The following ADCY8 variants were observed in gnomAD, a reference collection of about 807,000 sequenced individuals.
ADCY8 encodes the protein adenylate cyclase 8.
Under a neutral mutation model 119.7 loss-of-function variants are expected in ADCY8, and 51 were observed. That is an observed-to-expected ratio of 0.43 (90% CI 0.34 to 0.54). ADCY8 has a LOEUF of 0.54. Ranked by LOEUF, ADCY8 falls within the 20% of genes least tolerant of loss-of-function variation. The pLI, the probability that ADCY8 is intolerant of heterozygous loss-of-function variation, is 0.03. For missense variants in ADCY8, 1,383 were observed against 1,598.8 expected, an observed-to-expected ratio of 0.87 and a Z score of 2.30; for synonymous variants, 665 against 651.0, an observed-to-expected ratio of 1.02 and a Z score of -0.33.
At chr8:130,969,086 C>G (rs1372965046) in intron 2 of ADCY8, among the ~76,000 whole-genome samples, 2 of 152,106 alleles carry the variant, frequency 1.3e-5, no homozygotes, top group Non-Finnish European at 2.9e-5. Context: ...CCATGGTGCA[C>G]AGATATTAGA....
chr8:130,813,444 T>C (rs189499723), intron 14 of ADCY8, among the ~76,000 whole-genome samples: 16 of 152,360 alleles, frequency 1.1e-4, no homozygotes, highest in African/African-American at 3.4e-4. Flanking sequence ...CTCTATGAAT[T>C]TGACCACTCT....
At chr8:130,846,217 G>T (rs1474959902) in intron 11 of ADCY8, among the ~76,000 whole-genome samples, 1 of 152,018 alleles carries the variant, frequency 6.6e-6, no homozygotes, top group East Asian at 1.9e-4. Context: ...CTAGGTATGG[G>T]GTTGGCTGGG....
chr8:130,780,577 T>A lies in ADCY8; in HGVS notation c.3569A>T (p.Tyr1190Phe). 2 of 1,614,094 alleles carry A rather than the reference T, an allele frequency of 1.2e-6. No individual in the cohort carries two copies. The highest frequency in any genetic ancestry group is 2.2e-5 in the South Asian group (2 of 91,080). ...ILPPRRLPGQ[Y>F]SLAAVVLGLV... The stretch of plus-strand genomic sequence containing the variant: ...TCCCAGGACAACCGCGGCCAGGGAG[T>A]ACTGCCCAGGCAGTCTTCTTGGGGG... The change falls in exon 18 of 18, where the codon TAC becomes TTC. Residue 1190 changes from tyrosine to phenylalanine, a missense_variant. Tyr to Phe is a conservative substitution (Grantham distance 22). Around this residue, in one of 2 missense-constraint regions of ADCY8, gnomAD observed 928 missense variants for 1,163.5 expected, o/e 0.80. Transcript: ENST00000286355.
At chr8:131,018,104 T>C (rs1390672482) in intron 1 of ADCY8, among the ~76,000 whole-genome samples, 2 of 152,174 alleles carry the variant, frequency 1.3e-5, no homozygotes, top group Admixed American at 1.3e-4. Context: ...GGGAAAGAAG[T>C]GGGCTTTGAA....
chr8:130,996,508 A>C (rs984711165), intron 1 of ADCY8, among the ~76,000 whole-genome samples: 1 of 152,146 alleles, frequency 6.6e-6, no homozygotes, highest in Non-Finnish European at 1.5e-5. Context: ...GGAATAAAGT[A>C]GACTATGCTG....
intron 14 of ADCY8, among the ~76,000 whole-genome samples, chr8:130,813,174 C>T (rs1374375618): frequency 1.3e-5 from 2 of 152,142 alleles, no homozygotes; most frequent in African/African-American, 2.4e-5. Context: ...GTCTTCAACT[C>T]CTGACCTCAT....
At chr8:130,837,194 A>C (rs1817015919) in intron 11 of ADCY8, among the ~76,000 whole-genome samples, 1 of 152,080 alleles carries the variant, frequency 6.6e-6, no homozygotes. Context: ...CATATTTCTA[A>C]AGCACAGATC....
At chr8:130,918,840 C>A (rs940579919) in intron 5 of ADCY8, among the ~76,000 whole-genome samples, 1 of 152,186 alleles carries the variant, frequency 6.6e-6, no homozygotes, top group Admixed American at 6.5e-5. Flanking sequence ...GCGGGCAGAT[C>A]GCCTGAGGTC....
chr8:130,887,993 C>A (rs905184590), intron 7 of ADCY8, among the ~76,000 whole-genome samples: 33 of 152,068 alleles, frequency 2.2e-4, no homozygotes, highest in African/African-American at 7.7e-4. Flanking sequence ...ATAGGGCTTT[C>A]TCTTTTTAAG....
intron 1 of ADCY8, among the ~76,000 whole-genome samples, chr8:131,004,970 T>A (rs1193640824): frequency 6.6e-6 from 1 of 152,134 alleles, no homozygotes; most frequent in Non-Finnish European, 1.5e-5. Flanking sequence ...AGCCTCTGAG[T>A]CTATTTTAGT....
chr8:130,780,988 C>T (rs1249047288), intron 17 of ADCY8, 111 bp from the exon 18 acceptor site: 48 of 1,425,004 alleles, frequency 3.4e-5, no homozygotes, highest in South Asian at 9.4e-5. Context: ...TGTGGATGAA[C>T]GGGAGGGTCC....
chr8:130,873,845 A>T (rs1031910098), intron 8 of ADCY8, among the ~76,000 whole-genome samples: 1 of 152,130 alleles, frequency 6.6e-6, no homozygotes, highest in Non-Finnish European at 1.5e-5. Context: ...TGATTAAAGA[A>T]AATTTTCTAG....
chr8:130,807,849 T>C (rs1816018257), intron 14 of ADCY8, among the ~76,000 whole-genome samples: 1 of 147,584 alleles, frequency 6.8e-6, no homozygotes. Context: ...CCGGGCGTAG[T>C]GGCGGGCGCC....
At chr8:131,013,951 A>G (rs908004098) in intron 1 of ADCY8, among the ~76,000 whole-genome samples, 1 of 152,196 alleles carries the variant, frequency 6.6e-6, no homozygotes, top group Admixed American at 6.5e-5. Flanking sequence ...AAGGAATCTC[A>G]CATTAGCCTA....
At chr8:130,948,645 TAAA>T (rs34700138) in intron 3 of ADCY8, among the ~76,000 whole-genome samples, 24,796 of 91,122 alleles carry the variant, frequency 0.27, 4,149 homozygotes, top group African/African-American at 0.5. Context: ...TCTTCAAAAT[TAAA>T]AAAAAAAAAA....
chr8:130,832,436 G>T (rs1319186115), intron 12 of ADCY8, among the ~76,000 whole-genome samples: 3 of 152,148 alleles, frequency 2.0e-5, no homozygotes, highest in African/African-American at 7.2e-5. Context: ...AACTATTCTT[G>T]AACTATTGTG....
Position 131,039,826 on chromosome 8 carries a change from A to G in ADCY8, c.508T>C (p.Tyr170His). The G allele has an allele frequency of 6.2e-7, 1 of 1,614,200 alleles. No homozygotes were observed. Among genetic ancestry groups the G allele is most frequent in the South Asian group, 1.1e-5 (1 of 91,086 alleles). The change falls in exon 1 of 18, where the codon TAC becomes CAC. Residue 170 changes from tyrosine to histidine, a missense_variant. Transcript: ENST00000286355. ...SFKSRDLERL[Y>H]QRYFLGQRRK... Reference sequence around the variant, plus strand: ...CTTTGGCCCAAGAAATAGCGCTGGTAGAGGCGTTCCAAATCCCGAGATTTG... The same window carrying G: ...CTTTGGCCCAAGAAATAGCGCTGGTGGAGGCGTTCCAAATCCCGAGATTTG...
intron 2 of ADCY8, among the ~76,000 whole-genome samples, chr8:130,989,379 T>G (rs1822504284): frequency 6.6e-6 from 1 of 152,168 alleles, no homozygotes; most frequent in Non-Finnish European, 1.5e-5. Context: ...TTGATGCAAA[T>G]TAATCATGAA....
At chr8:131,026,650 A>G (rs948152386) in intron 1 of ADCY8, among the ~76,000 whole-genome samples, 7 of 152,158 alleles carry the variant, frequency 4.6e-5, no homozygotes, top group Admixed American at 1.3e-4. Flanking sequence ...TTTTGTCAAG[A>G]TCTCCAAGTG....
Sources: gnomAD v4.1 joint callset for allele counts (sites outside exome capture counted in the v4.1 genomes callset) on GRCh38, gnomAD v4.1.1 for gene constraint, gnomAD v4.1.1 regional missense constraint, MANE v1.5 for transcripts, NCBI Gene and HGNC (gene_info 2026-07-23, HGNC 2026-07-21) for gene names.